RGS9: variants seen among roughly 807,000 people sequenced by gnomAD.
RGS9 encodes regulator of G-protein signalling 9.
RGS9 carries 78 observed loss-of-function variants against 102.0 expected under a neutral mutation model. The observed-to-expected ratio is 0.76, with a 90% CI of 0.64 to 0.92. The LOEUF is 0.92. RGS9 is among the 40% of genes least tolerant of loss of function. RGS9 has a pLI of 0.00. For synonymous variants in RGS9, 353 were observed against 318.6 expected, an observed-to-expected ratio of 1.11 and a Z score of -1.15; for missense variants, 833 against 866.1, an observed-to-expected ratio of 0.96 and a Z score of 0.48.
At position 65,190,236 on chromosome 17, in the gene RGS9, G is replaced by A. The variant is rs1912316311; in HGVS notation, c.746G>A (p.Gly249Glu). 6.2e-7 allele frequency: 1 copy of A among 1,611,478 alleles called. No homozygotes were observed. The highest frequency in any genetic ancestry group is 1.3e-5 in the African/African-American group (1 of 74,844). The stretch of plus-strand genomic sequence containing the variant: ...GTGAAGTCTTCTGTGTCCCTGGGAG[G>A]GTATGTCCCTGATTTGTTGATCTTG... ...STVKSSVSLG[G>E]IVKYSEQFSS... is the part of the protein sequence containing the mutation. The change falls in exon 11 of 19, where the codon GGG (glycine) becomes GAG (glutamate). Residue 249 changes from glycine (G) to glutamate (E), a missense_variant and splice_region_variant. Gly to Glu is a moderately conservative substitution (Grantham distance 98). Around this residue, in one of 3 missense-constraint regions of RGS9, gnomAD observed 328 missense variants for 340.6 expected, o/e 0.96. Coordinates refer to ENST00000262406, the MANE Select transcript of RGS9 (RefSeq NM_003835.4).
chr17:65,140,763 T>A (rs1279752361), intron 1 of RGS9, among the ~76,000 whole-genome samples: 1 of 152,030 alleles, frequency 6.6e-6, no homozygotes, highest in South Asian at 2.1e-4. Context: ...TAATCCCAGC[T>A]ACTTGGGAGG....
At chr17:65,148,296 C>G (rs954285970) in intron 1 of RGS9, among the ~76,000 whole-genome samples, 1 of 152,198 alleles carries the variant, frequency 6.6e-6, no homozygotes, top group Non-Finnish European at 1.5e-5. Context: ...GCATAGAACA[C>G]ATTTTCTTTG....
intron 1 of RGS9, among the ~76,000 whole-genome samples, chr17:65,152,342 T>G (rs1910610376): frequency 6.6e-6 from 1 of 151,880 alleles, no homozygotes; most frequent in Non-Finnish European, 1.5e-5. Context: ...AAGAAAGAAG[T>G]CAGAGAGGAA....
chr17:65,219,051 G>A (rs1430445511), intron 17 of RGS9, among the ~76,000 whole-genome samples: 1 of 152,256 alleles, frequency 6.6e-6, no homozygotes, highest in Non-Finnish European at 1.5e-5. Context: ...TAAAGCAGAG[G>A]GGTGGGCAGG....
chr17:65,226,604 TG>T (rs1474158969), intron 18 of RGS9, among the ~76,000 whole-genome samples: 17 of 150,944 alleles, frequency 1.1e-4, no homozygotes, highest in African/African-American at 3.9e-4. Flanking sequence ...GGCAGTTTTT[TG>T]TTTGTCTGGG....
Position 65,214,185 on chromosome 17 carries a change from T to C in RGS9, c.1407+3580T>C, listed in dbSNP as rs374693517. On this transcript the variant is annotated intron_variant, in intron 17 of 18. Coordinates refer to ENST00000262406, the MANE Select transcript of RGS9 (RefSeq NM_003835.4). ...GCCATGTTGACCAGGCTGGTCTTGA[T>C]TTCCTGGGCTCAAGTGATGCACCAA... Among the ~76,000 whole-genome samples, 29 of 152,280 alleles carry C rather than the reference T, an allele frequency of 1.9e-4. 1 individual carries two copies. The East Asian group carries it at 2.3e-3, about 12-fold the overall frequency.
intron 18 of RGS9, 95 bp downstream of exon 18, chr17:65,225,581 A>C: frequency 6.4e-7 from 1 of 1,572,592 alleles, no homozygotes; most frequent in Non-Finnish European, 8.6e-7. Flanking sequence ...GGGGACTGGG[A>C]TGGGTGAGAA....
At chr17:65,142,987 G>A (rs544797977) in intron 1 of RGS9, among the ~76,000 whole-genome samples, 1 of 151,770 alleles carries the variant, frequency 6.6e-6, no homozygotes, top group Non-Finnish European at 1.5e-5. Flanking sequence ...AAGCTCCTGG[G>A]CTCAAGGGAT....
At chr17:65,140,053 C>G (rs1479209771) in intron 1 of RGS9, among the ~76,000 whole-genome samples, 2 of 152,152 alleles carry the variant, frequency 1.3e-5, no homozygotes, top group Non-Finnish European at 2.9e-5. Flanking sequence ...GCATTATGTG[C>G]ATTATCTCAT....
chr17:65,178,362 C>T (rs1029006383), intron 9 of RGS9, among the ~76,000 whole-genome samples: 1 of 152,070 alleles, frequency 6.6e-6, no homozygotes, highest in Non-Finnish European at 1.5e-5. Context: ...AATAGGCCAT[C>T]TTTCATGATG....
intron 8 of RGS9, among the ~76,000 whole-genome samples, chr17:65,175,004 T>A (rs1567872671): frequency 6.6e-6 from 1 of 152,122 alleles, no homozygotes; most frequent in Non-Finnish European, 1.5e-5. Flanking sequence ...CCACCAGGTC[T>A]CTCCCTCAAT....
intron 8 of RGS9, among the ~76,000 whole-genome samples, chr17:65,174,376 C>A (rs1386458714): frequency 6.6e-6 from 1 of 151,816 alleles, no homozygotes; most frequent in African/African-American, 2.4e-5. Flanking sequence ...AGTGTGAGTG[C>A]ATGTCAGTAT....
intron 17 of RGS9, among the ~76,000 whole-genome samples, chr17:65,221,884 A>G (rs1278814797): frequency 1.3e-5 from 2 of 152,142 alleles, no homozygotes; most frequent in African/African-American, 4.8e-5. Context: ...CCTCATGACT[A>G]ATCACCTCCC....
intron 3 of RGS9, 166 bp downstream of exon 3, chr17:65,158,511 A>G (rs1910861021): frequency 1.4e-6 from 1 of 731,978 alleles, no homozygotes; most frequent in African/African-American, 1.7e-5. Flanking sequence ...AGGCAGGATA[A>G]TTTGGGGACG....
At chr17:65,183,195 C>T (rs1911967620) in intron 9 of RGS9, among the ~76,000 whole-genome samples, 1 of 152,052 alleles carries the variant, frequency 6.6e-6, no homozygotes, top group South Asian at 2.1e-4. Context: ...CAATCTCGGA[C>T]CACTGCAACC....
intron 2 of RGS9, among the ~76,000 whole-genome samples, chr17:65,155,753 C>T (rs186903989): frequency 8.5e-5 from 13 of 152,206 alleles, no homozygotes; most frequent in South Asian, 2.1e-4. Flanking sequence ...CCTAAGGGAA[C>T]GAGTGCAGGA....
intron 17 of RGS9, among the ~76,000 whole-genome samples, chr17:65,223,343 G>T (rs1234501121): frequency 1.3e-5 from 2 of 152,230 alleles, no homozygotes; most frequent in Non-Finnish European, 2.9e-5. Context: ...GGAATGATGG[G>T]CTCTGAGCTG....
rs536028508 is a variant in RGS9 at position 65,137,428 on chromosome 17, G to A, written c.-113G>A. ...CGGCCCGCGCCCTCCCCGCCCAGCCGCCTCCCCGTCGACGCCCAGGGCTGG... is the reference window on the plus strand; with the variant it reads ...CGGCCCGCGCCCTCCCCGCCCAGCCACCTCCCCGTCGACGCCCAGGGCTGG... On this transcript the variant is annotated 5_prime_UTR_variant, in exon 1 of 19. Coordinates refer to ENST00000262406, the MANE Select transcript of RGS9 (RefSeq NM_003835.4). The A allele has an allele frequency of 1.1e-5, 12 of 1,075,748 alleles. No homozygotes were observed. The Admixed American group carries it at 1.6e-4, about 14-fold the overall frequency. The allele number at this position is 1,075,748 out of a possible 1,614,324, so 66.6% of individuals were successfully genotyped here.
At chr17:65,166,897 A>C (rs748890395) in intron 7 of RGS9, among the ~76,000 whole-genome samples, 3 of 152,214 alleles carry the variant, frequency 2.0e-5, no homozygotes, top group Admixed American at 1.3e-4. Context: ...GCCCAAATGG[A>C]ATGGCGCTGT....
Sources: allele counts gnomAD v4.1 joint callset (sites outside exome capture counted in the v4.1 genomes callset), GRCh38; gene constraint gnomAD v4.1.1; regional missense constraint gnomAD v4.1.1; transcripts MANE v1.5; gene names NCBI Gene and HGNC (gene_info 2026-07-23, HGNC 2026-07-21).